Variants in NRXN1 observed in about 807,000 individuals in gnomAD.
The protein encoded by NRXN1 is neurexin-1.
A neutral mutation model predicts 150.9 loss-of-function variants in NRXN1; 39 were observed. The observed-to-expected ratio is 0.26, with a 90% CI of 0.20 to 0.34. NRXN1 has a LOEUF of 0.34. Ranked by LOEUF, NRXN1 falls within the 10% of genes least tolerant of loss-of-function variation. The probability of loss-of-function intolerance (pLI) is 1.00; values close to 1 mark genes in which losing one functional copy is unlikely to be tolerated. For missense variants in NRXN1, 1,815 were observed against 1,949.9 expected, an observed-to-expected ratio of 0.93 and a Z score of 1.30; for synonymous variants, 924 against 757.0, an observed-to-expected ratio of 1.22 and a Z score of -3.62.
chr2:50,706,650 A>G (rs890795401), intron 5 of NRXN1, among the ~76,000 whole-genome samples: 3 of 152,274 alleles, frequency 2.0e-5, no homozygotes, highest in African/African-American at 7.2e-5. Flanking sequence ...TCTCTCTGAT[A>G]GTGTTATATT....
At chr2:50,895,401 T>C (rs763916595) in intron 5 of NRXN1, among the ~76,000 whole-genome samples, 2 of 152,180 alleles carry the variant, frequency 1.3e-5, no homozygotes, top group Non-Finnish European at 2.9e-5. Flanking sequence ...GTCATTTCAT[T>C]ATAGATAAGT....
At chr2:50,293,011 A>C (rs529789738) in intron 17 of NRXN1, among the ~76,000 whole-genome samples, 1 of 152,302 alleles carries the variant, frequency 6.6e-6, no homozygotes, top group Non-Finnish European at 1.5e-5. Flanking sequence ...TAAAGGAATA[A>C]AAACCTACTG....
At chr2:50,891,364 A>C (rs537078160) in intron 5 of NRXN1, among the ~76,000 whole-genome samples, 1 of 152,088 alleles carries the variant, frequency 6.6e-6, no homozygotes, top group African/African-American at 2.4e-5. Context: ...CATAAAGCAC[A>C]GGACTCCAGG....
chr2:50,170,302 G>T (rs1405377382), intron 18 of NRXN1, among the ~76,000 whole-genome samples: 1 of 151,238 alleles, frequency 6.6e-6, no homozygotes, highest in Non-Finnish European at 1.5e-5. Flanking sequence ...GTTTTGTTTT[G>T]TTTTGTTTTT....
intron 17 of NRXN1, among the ~76,000 whole-genome samples, chr2:50,430,459 G>C (rs900975465): frequency 3.3e-5 from 5 of 152,152 alleles, no homozygotes; most frequent in Non-Finnish European, 5.9e-5. Flanking sequence ...TGACTAGTGA[G>C]CACTTAAAAT....
intron 5 of NRXN1, among the ~76,000 whole-genome samples, chr2:50,635,243 C>T (rs1196628863): frequency 2.6e-5 from 4 of 151,850 alleles, no homozygotes; most frequent in Admixed American, 2.6e-4. Flanking sequence ...CTGCAACCTC[C>T]ACCTCCCGGG....
intron 21 of NRXN1, chr2:49,973,900 G>T (rs1203270102): frequency 3.1e-6 from 2 of 650,506 alleles, no homozygotes; most frequent in Non-Finnish European, 5.6e-6. Flanking sequence ...TTAGGCTTCT[G>T]GTATCTTAAA....
At chr2:50,277,349 C>T (rs955106091) in intron 17 of NRXN1, among the ~76,000 whole-genome samples, 2 of 152,096 alleles carry the variant, frequency 1.3e-5, no homozygotes, top group Non-Finnish European at 2.9e-5. Flanking sequence ...GAGCAGTTGA[C>T]ATTGCTTGGC....
chr2:50,830,315 G>A (rs1032836280), intron 5 of NRXN1, among the ~76,000 whole-genome samples: 2 of 152,014 alleles, frequency 1.3e-5, no homozygotes, highest in African/African-American at 4.8e-5. Flanking sequence ...AGTATTTTGT[G>A]AAAATGAGCC....
At chr2:50,383,001 T>A (rs1476244680) in intron 17 of NRXN1, among the ~76,000 whole-genome samples, 4 of 152,216 alleles carry the variant, frequency 2.6e-5, no homozygotes, top group African/African-American at 7.2e-5. Context: ...TGCCTTTTTT[T>A]ATTTTAGAAT....
At chr2:50,618,088 A>G (rs1679336815) in intron 8 of NRXN1, among the ~76,000 whole-genome samples, 1 of 152,082 alleles carries the variant, frequency 6.6e-6, no homozygotes, top group Non-Finnish European at 1.5e-5. Context: ...CAATCTAAGC[A>G]GGATTACTCT....
chr2:50,665,852 TTAAG>T (rs1169425789), intron 5 of NRXN1, among the ~76,000 whole-genome samples: 1 of 152,108 alleles, frequency 6.6e-6, no homozygotes, highest in East Asian at 1.9e-4. Flanking sequence ...GTTCAATTAA[TTAAG>T]TGTGTGTACC....
intron 9 of NRXN1, among the ~76,000 whole-genome samples, chr2:50,548,577 T>C (rs2093545553): frequency 6.6e-6 from 1 of 152,168 alleles, no homozygotes; most frequent in Admixed American, 6.5e-5. Context: ...TTTGGCACTG[T>C]ACTACTTACA....
intron 17 of NRXN1, among the ~76,000 whole-genome samples, chr2:50,276,725 T>C (rs933306562): frequency 5.9e-5 from 9 of 152,226 alleles, no homozygotes; most frequent in African/African-American, 2.2e-4. Context: ...AACAGACATG[T>C]TGCAAAGCTG....
intron 5 of NRXN1, among the ~76,000 whole-genome samples, chr2:50,876,376 T>A (rs1018600390): frequency 6.6e-6 from 1 of 151,866 alleles, no homozygotes; most frequent in South Asian, 2.1e-4. Context: ...TGCTGGGGAC[T>A]ATTGAAATAT....
At chr2:50,868,141 T>TTATATATATATA (rs70958631) in intron 5 of NRXN1, among the ~76,000 whole-genome samples, 5 of 87,686 alleles carry the variant, frequency 5.7e-5, no homozygotes, top group Non-Finnish European at 9.1e-5. Flanking sequence ...AAACAAAATA[T>TTATATATATATA]TATATATATA....
At chr2:49,982,950 C>G (rs1680225755) in intron 21 of NRXN1, among the ~76,000 whole-genome samples, 1 of 152,098 alleles carries the variant, frequency 6.6e-6, no homozygotes, top group African/African-American at 2.4e-5. Context: ...ATGCTATGTT[C>G]TATAACATCT....
chr2:50,772,068 TG>T (rs1357868560), intron 5 of NRXN1, among the ~76,000 whole-genome samples: 1 of 152,054 alleles, frequency 6.6e-6, no homozygotes, highest in Non-Finnish European at 1.5e-5. Context: ...ACCAGGTGAC[TG>T]GAGTACTGCC....
chr2:50,428,031 C>G (rs1339969693), intron 17 of NRXN1, among the ~76,000 whole-genome samples: 2 of 152,132 alleles, frequency 1.3e-5, no homozygotes, highest in African/African-American at 2.4e-5. Flanking sequence ...TCTTTATAGG[C>G]AATCTTCTGA....
Sources: gnomAD v4.1 joint callset for allele counts (sites outside exome capture counted in the v4.1 genomes callset) on GRCh38, gnomAD v4.1.1 for gene constraint, MANE v1.5 for transcripts, NCBI Gene and HGNC (gene_info 2026-07-23, HGNC 2026-07-21) for gene names.